Variants in LARGE1 observed in about 807,000 individuals in gnomAD.
LARGE1 encodes the protein LARGE xylosyl- and glucuronyltransferase 1, also known as xylosyl- and glucuronyltransferase LARGE1.
In LARGE1, 43 loss-of-function variants were observed where a neutral mutation model predicts 87.6. That is an observed-to-expected ratio of 0.49 (90% CI 0.38 to 0.63). The LOEUF is 0.63. LARGE1 is among the 30% of genes least tolerant of loss of function. The pLI is 0.00. For missense variants in LARGE1, 802 were observed against 1,000.2 expected, an observed-to-expected ratio of 0.80 and a Z score of 2.67; for synonymous variants, 434 against 394.6, an observed-to-expected ratio of 1.10 and a Z score of -1.18.
At chr22:33,548,218 A>C (rs948565046) in intron 6 of LARGE1, among the ~76,000 whole-genome samples, 1 of 152,114 alleles carries the variant, frequency 6.6e-6, no homozygotes, top group Non-Finnish European at 1.5e-5. Context: ...TTTTTTAAAA[A>C]ATGTGTGGCA....
intron 6 of LARGE1, among the ~76,000 whole-genome samples, chr22:33,475,061 A>G (rs1280591605): frequency 6.6e-6 from 1 of 151,928 alleles, no homozygotes; most frequent in East Asian, 1.9e-4. Context: ...AGGGAGGGGG[A>G]GCCAGGCTGA....
In LARGE1 at chr22:33,305,823, G is replaced by C. The variant is rs5754515; in HGVS notation, c.1452-1316C>G. ...TAATGCTTGCTAACCAAATTGACCA[G>C]AAACATTTCTTTTTCTTTTTCTTTT... On this transcript the variant is annotated intron_variant, in intron 11 of 14. Transcript: ENST00000397394. 2.7e-5 allele frequency among the ~76,000 whole-genome samples: 4 copies of C among 149,968 alleles called. No individual in the cohort carries two copies. The Admixed American group carries it at 2.7e-4, about 10-fold the overall frequency.
At chr22:33,679,503 T>G (rs1246060033) in intron 2 of LARGE1, among the ~76,000 whole-genome samples, 4 of 151,884 alleles carry the variant, frequency 2.6e-5, no homozygotes, top group Non-Finnish European at 2.9e-5. Context: ...AAGAATGCCT[T>G]GTGAAGACTT....
At chr22:33,823,970 C>T (rs2062709797) in intron 1 of LARGE1, among the ~76,000 whole-genome samples, 1 of 152,112 alleles carries the variant, frequency 6.6e-6, no homozygotes, top group Admixed American at 6.6e-5. Flanking sequence ...TTGCCATTAG[C>T]TGAGTGCTCA....
chr22:33,563,507 C>T (rs1478247951), intron 6 of LARGE1, among the ~76,000 whole-genome samples: 1 of 152,218 alleles, frequency 6.6e-6, no homozygotes, highest in Non-Finnish European at 1.5e-5. Flanking sequence ...TATAGAAAAA[C>T]TGCCCCTCGT....
rs536350301 is a variant in LARGE1, at chr22:33,385,849, T to G, written c.893-1545A>C. Among the ~76,000 whole-genome samples the G allele has an allele frequency of 2.0e-5, 3 of 148,402 alleles. 1 individual carries two copies. In the South Asian group the frequency reaches 7.1e-4, roughly 35 times the overall value. On this transcript the variant is annotated intron_variant, in intron 7 of 14. Coordinates refer to ENST00000397394, the MANE Select transcript of LARGE1 (RefSeq NM_133642.5). ...GGTCAGTGGGGAAGACTCAAGGCAG[T>G]TGAAAAATGATCTTAGTTGAAACCT...
intron 9 of LARGE1, among the ~76,000 whole-genome samples, chr22:33,368,292 A>G (rs1407967981): frequency 6.6e-6 from 1 of 152,116 alleles, no homozygotes; most frequent in Non-Finnish European, 1.5e-5. Flanking sequence ...GCACTTTGGG[A>G]GGCCGAGGTG....
At chr22:33,880,694 C>T (rs1218033712) in intron 1 of LARGE1, among the ~76,000 whole-genome samples, 4 of 152,130 alleles carry the variant, frequency 2.6e-5, no homozygotes, top group Admixed American at 6.5e-5. Context: ...GGGACTGAGA[C>T]GTTTTCATCT....
chr22:33,841,163 C>A (rs2063271465), intron 1 of LARGE1, among the ~76,000 whole-genome samples: 1 of 152,172 alleles, frequency 6.6e-6, no homozygotes, highest in African/African-American at 2.4e-5. Flanking sequence ...TTGATATTTT[C>A]AACTTACGAT....
At chr22:33,831,412 G>A (rs116387724) in intron 1 of LARGE1, among the ~76,000 whole-genome samples, 1,646 of 152,318 alleles carry the variant, frequency 0.011, 31 homozygotes, top group African/African-American at 0.036. Flanking sequence ...AAGACAGGAA[G>A]CCAGGGCCTG....
At chr22:33,667,357 C>T (rs911210167) in intron 2 of LARGE1, among the ~76,000 whole-genome samples, 2 of 152,202 alleles carry the variant, frequency 1.3e-5, no homozygotes, top group African/African-American at 4.8e-5. Flanking sequence ...TCTATCATGA[C>T]GTTTATCTCA....
At chr22:33,815,520 T>A (rs1169291553) in intron 1 of LARGE1, among the ~76,000 whole-genome samples, 1 of 152,214 alleles carries the variant, frequency 6.6e-6, no homozygotes, top group Non-Finnish European at 1.5e-5. Flanking sequence ...TGTTTTAAAA[T>A]AAGTGGTTGA....
At chr22:33,384,361 A>T (rs879704254) in intron 7 of LARGE1, 57 bp from the exon 8 acceptor site, 1 of 976,444 alleles carries the variant, frequency 1.0e-6, no homozygotes, top group Admixed American at 1.9e-5. Flanking sequence ...ATGGAGAGCT[A>T]GGCACACCTA....
intron 6 of LARGE1, among the ~76,000 whole-genome samples, chr22:33,506,263 G>T (rs920414262): frequency 2.6e-5 from 4 of 152,076 alleles, no homozygotes; most frequent in African/African-American, 9.7e-5. Context: ...GGCTGGAGAG[G>T]CAGCTGCTGC....
chr22:33,535,413 G>A (rs1204550954), intron 6 of LARGE1, among the ~76,000 whole-genome samples: 1 of 152,092 alleles, frequency 6.6e-6, no homozygotes, highest in African/African-American at 2.4e-5. Context: ...TGTGGTGGCA[G>A]GCGCCTGTAA....
chr22:33,172,893 T>C (rs1922653696), intron 11 of LARGE1, among the ~76,000 whole-genome samples: 1 of 152,180 alleles, frequency 6.6e-6, no homozygotes, highest in Non-Finnish European at 1.5e-5. Context: ...TTGGTGTGCC[T>C]GAAAGTGACA....
chr22:33,688,756 G>A lies in LARGE1; in HGVS notation c.107-38088C>T, dbSNP rs563613898. Reference sequence around the variant, plus strand: ...ATCTTGGTCTCCTTTGCAAGTGGAGGGATGGTCATAAAGCCTTCCTCCCTT... The same window carrying A: ...ATCTTGGTCTCCTTTGCAAGTGGAGAGATGGTCATAAAGCCTTCCTCCCTT... On this transcript the variant is annotated intron_variant, in intron 2 of 14. Coordinates refer to ENST00000397394, the MANE Select transcript of LARGE1 (RefSeq NM_133642.5). 7.4e-4 allele frequency among the ~76,000 whole-genome samples: 113 copies of A among 152,028 alleles called. 1 individual carries two copies. The highest frequency in any genetic ancestry group is 1.3e-3 in the Non-Finnish European group (90 of 68,014).
At chr22:33,104,927 CTT>C in the LARGE1 span, among the ~76,000 whole-genome samples, 2 of 143,430 alleles carry the variant, frequency 1.4e-5, no homozygotes, top group African/African-American at 2.6e-5. Context: ...TTCTTTCTTT[CTT>C]TCTTTCTTTC....
intron 6 of LARGE1, among the ~76,000 whole-genome samples, chr22:33,471,245 C>T (rs984374204): frequency 1.3e-5 from 2 of 151,860 alleles, no homozygotes; most frequent in African/African-American, 2.4e-5. Flanking sequence ...TTTAGCACCA[C>T]GGTGGCCAAG....
Sources: allele counts gnomAD v4.1 joint callset (sites outside exome capture counted in the v4.1 genomes callset), GRCh38; gene constraint gnomAD v4.1.1; transcripts MANE v1.5; gene names NCBI Gene and HGNC (gene_info 2026-07-23, HGNC 2026-07-21).